Variants in CLCN2 observed in about 807,000 individuals in gnomAD.
CLCN2 encodes the protein chloride channel protein 2.
In CLCN2, 72 loss-of-function variants were observed where a neutral mutation model predicts 108.3. The ratio of observed to expected loss-of-function variants is 0.66; its 90% confidence interval spans 0.55 to 0.81. CLCN2 has a LOEUF of 0.81. Ranked by LOEUF, CLCN2 falls within the 30% of genes least tolerant of loss-of-function variation. CLCN2 has a pLI of 0.00. For missense variants in CLCN2, 1,048 were observed against 1,205.2 expected, an observed-to-expected ratio of 0.87 and a Z score of 1.93; for synonymous variants, 471 against 467.1, an observed-to-expected ratio of 1.01 and a Z score of -0.11.
In CLCN2 at chr3:184,354,577, C is replaced by T. The variant is rs142706042; in HGVS notation, c.1478G>A (p.Arg493Gln). ...DGIHTDSSTY[R>Q]IVPGGYAVVG... ...CACAGCGTAGCCCCCAGGCACAATC[C>T]GGTAGGTGCTGCTGTCCGTATGAAT... Residue 493 changes from arginine to glutamine, a missense_variant, in exon 14 of 24, where the codon CGG becomes CAG. Physicochemically the swap from Arg to Gln is conservative, Grantham distance 43. Transcript: ENST00000265593. 1.3e-5 allele frequency: 21 copies of T among 1,613,042 alleles called. No homozygotes were observed. The highest frequency in any genetic ancestry group is 4.0e-5 in the African/African-American group (3 of 74,810).
At position 184,355,728 on chromosome 3, in the gene CLCN2, A is replaced by G. The variant is rs1365633586; in HGVS notation, c.1136T>C (p.Phe379Ser). The change falls in exon 11 of 24, where the codon TTC becomes TCC. Residue 379 changes from phenylalanine (F) to serine (S), a missense_variant. Transcript: ENST00000265593. The surrounding 1 kb of genome is among the most constrained non-coding windows in gnomAD (Gnocchi z 6.3). ...CATGAACTGTCCAAAGCCAGGGGGG[A>G]AGGTCAGCGTGGAGATGAGCAGGGT... ...LVTLLISTLT[F>S]PPGFGQFMAG... The G allele has an allele frequency of 6.2e-7, 1 of 1,613,900 alleles. No homozygotes were observed. The highest frequency in any genetic ancestry group is 8.5e-7 in the Non-Finnish European group (1 of 1,179,966).
Position 184,355,457 on chromosome 3 carries a change from GCTC to G in CLCN2, c.1240_1242del (p.Glu414del). ...GCCTGTGAGGTGCTGGGTGGTTCTA[GCTC>G]CTCCACCAGGCCCTGGCGGACCCAC... On this transcript the variant is annotated inframe_deletion, in exon 12 of 24. Coordinates refer to ENST00000265593, the MANE Select transcript of CLCN2 (RefSeq NM_004366.6). The surrounding 1 kb of genome is among the most constrained non-coding windows in gnomAD (Gnocchi z 6.3). 5.0e-6 allele frequency: 8 copies of G among 1,614,048 alleles called. No individual in the cohort carries two copies. Among genetic ancestry groups the G allele is most frequent in the Non-Finnish European group, 6.8e-6 (8 of 1,179,982 alleles).
chr3:184,358,552 G>C, intron 3 of CLCN2, 130 bp downstream of exon 3: 1 of 1,291,536 alleles, frequency 7.7e-7, no homozygotes, highest in Non-Finnish European at 1.1e-6. Flanking sequence ...CTGAATCTGG[G>C]CAGTCAGACT....
intron 22 of CLCN2, 29 bp from the exon 23 acceptor site, chr3:184,347,050 C>CTT: frequency 6.3e-7 from 1 of 1,586,528 alleles, no homozygotes; most frequent in Non-Finnish European, 8.7e-7. Flanking sequence ...AGCGATTGGA[C>CTT]TTGATGGACG....
intron 10 of CLCN2, 67 bp downstream of exon 10, chr3:184,356,926 G>C: frequency 9.0e-7 from 1 of 1,117,072 alleles, no homozygotes; most frequent in Non-Finnish European, 1.4e-6. Context: ...CCCCATCACT[G>C]TCCCCTGACC....
chr3:184,348,755 T>G (rs1292056432), intron 22 of CLCN2: 1 of 152,212 alleles, frequency 6.6e-6, no homozygotes. Context: ...TTTCTTTTTC[T>G]CCACAATCCT....
chr3:184,356,580 G>A lies in CLCN2; in HGVS notation c.1085+413C>T, dbSNP rs112270088. Reference sequence around the variant, plus strand: ...CTTGAACCCAGGAGGCGGAGGTTGCGGTGAGCCGAGATCGCACCATTGCAC... The same window carrying A: ...CTTGAACCCAGGAGGCGGAGGTTGCAGTGAGCCGAGATCGCACCATTGCAC... On this transcript the variant is annotated intron_variant, in intron 10 of 23. Coordinates refer to ENST00000265593, the MANE Select transcript of CLCN2 (RefSeq NM_004366.6). 652 of 181,214 alleles carry A rather than the reference G, an allele frequency of 3.6e-3. 2 individuals are homozygous for A. Among genetic ancestry groups the A allele is most frequent in the Non-Finnish European group, 4.4e-3 (376 of 85,052 alleles). The allele number at this position is 181,214 out of a possible 1,614,324, so 11.2% of individuals were successfully genotyped here. A position where few individuals can be genotyped will look rare whatever the true frequency, so the allele number is the denominator to read the frequency against.
At chr3:184,353,981 C>A (rs548975336) in intron 15 of CLCN2, 120 bp downstream of exon 15, 1 of 1,352,268 alleles carries the variant, frequency 7.4e-7, no homozygotes, top group Non-Finnish European at 1.0e-6. Flanking sequence ...AGAGTGTGGA[C>A]GAAGGTGGCT....
At chr3:184,349,851 CGCCACTCT>C (rs1727964637) in intron 22 of CLCN2, among the ~76,000 whole-genome samples, 2 of 152,020 alleles carry the variant, frequency 1.3e-5, no homozygotes, top group Admixed American at 1.3e-4. Flanking sequence ...TAGCTGTGGC[CGCCACTCT>C]GGCCTTTACC....
Position 184,352,766 on chromosome 3 carries a change from C to T in CLCN2, c.2188G>A (p.Gly730Ser), listed in dbSNP as rs1178366438. The change falls in exon 19 of 24, where the codon GGC (glycine) becomes AGC (serine). Residue 730 changes from glycine to serine, a missense_variant. By Grantham distance (56) the Gly-to-Ser change is moderately conservative. Coordinates refer to ENST00000265593, the MANE Select transcript of CLCN2 (RefSeq NM_004366.6). ...AGIALRSLFC[G>S]SPPPEAASEK... Reference sequence around the variant, plus strand: ...GAAGCAGCCTCAGGGGGTGGACTGCCACAGAAGAGGCTCCGGAGGGCGATG... The same window carrying T: ...GAAGCAGCCTCAGGGGGTGGACTGCTACAGAAGAGGCTCCGGAGGGCGATG... The T allele has an allele frequency of 6.2e-7, 1 of 1,613,110 alleles. No homozygotes were observed. Among genetic ancestry groups the T allele is most frequent in the Non-Finnish European group, 8.5e-7 (1 of 1,180,022 alleles).
chr3:184,353,280 G>A lies in CLCN2; in HGVS notation c.1998C>T (p.Pro666=). The A allele has an allele frequency of 1.9e-6, 3 of 1,613,962 alleles. No homozygotes were observed. The highest frequency in any genetic ancestry group is 2.5e-6 in the Non-Finnish European group (3 of 1,180,010). Residue 666 remains proline, a synonymous_variant, in exon 17 of 24, where the codon CCC becomes CCT. Transcript: ENST00000265593. The part of the protein sequence containing the change: ...QTSPLSDQEG[P]PTPEASVCFQ... Reference sequence around the variant, plus strand: ...AGCAGACAGAAGCCTCAGGGGTAGGGGGACCCTCCTGATCAGATAGTGGAG... The same window carrying A: ...AGCAGACAGAAGCCTCAGGGGTAGGAGGACCCTCCTGATCAGATAGTGGAG...
At chr3:184,352,972 G>T (rs1273234166) in intron 18 of CLCN2, 61 bp downstream of exon 18, 6 of 1,552,824 alleles carry the variant, frequency 3.9e-6, no homozygotes, top group Admixed American at 3.3e-5. Context: ...GCTGGGCAGG[G>T]ACTCTAATGG....
At chr3:184,350,474 C>T (rs1216811547) in intron 22 of CLCN2, among the ~76,000 whole-genome samples, 2 of 152,096 alleles carry the variant, frequency 1.3e-5, no homozygotes, top group African/African-American at 4.8e-5. Context: ...TCGCTTTTGT[C>T]ACCCATGCTG....
rs1728292338 is a variant in CLCN2, at chr3:184,353,475, C to CG, written c.1856-54dup. ...GAGCTGAGAGGGAGCCCTCCAGCCC[C>CG]GTCCTTCTCTCACACTCAGAGTGGG... On this transcript the variant is annotated intron_variant, in intron 16 of 23. Coordinates refer to ENST00000265593, the MANE Select transcript of CLCN2 (RefSeq NM_004366.6). 4 of 1,560,580 alleles carry CG rather than the reference C, an allele frequency of 2.6e-6. No individual in the cohort carries two copies. The South Asian group carries it at 3.5e-5, about 14-fold the overall frequency.
chr3:184,357,971 AAGCGGCATCCC>A lies in CLCN2; in HGVS notation c.595_605del (p.Gly199TrpfsTer29), dbSNP rs777377345. On this transcript the variant is annotated frameshift_variant, in exon 5 of 24. Coordinates refer to ENST00000265593, the MANE Select transcript of CLCN2 (RefSeq NM_004366.6). LOFTEE classifies it high-confidence loss of function. ...CCCAGCCTGCAGTTACCTCTTTGCCAAGCGGCATCCCGCTGCCTAGGGCGCAGGTCAGCCCA... is the reference window on the plus strand; with the variant it reads ...CCCAGCCTGCAGTTACCTCTTTGCCAGCTGCCTAGGGCGCAGGTCAGCCCA... 1 of 1,613,880 alleles carries A rather than the reference AAGCGGCATCCC, an allele frequency of 6.2e-7. No homozygotes were observed. Among genetic ancestry groups the A allele is most frequent in the African/African-American group, 1.3e-5 (1 of 74,934 alleles).
At chr3:184,352,649 A>G (rs1728201183) in intron 19 of CLCN2, 88 bp downstream of exon 19, 4 of 1,491,482 alleles carry the variant, frequency 2.7e-6, no homozygotes, top group African/African-American at 1.4e-5. Flanking sequence ...GAATAGAGGC[A>G]GGCACTGCAG....
Position 184,353,283 on chromosome 3 carries a change from A to G in CLCN2, c.1995T>C (p.Gly665=), listed in dbSNP as rs1464960503. The G allele has an allele frequency of 1.2e-6, 2 of 1,613,300 alleles. No homozygotes were observed. Among genetic ancestry groups the G allele is most frequent in the Non-Finnish European group, 1.7e-6 (2 of 1,179,868 alleles). Residue 665 remains glycine, a synonymous_variant, in exon 17 of 24, where the codon GGT becomes GGC. Coordinates refer to ENST00000265593, the MANE Select transcript of CLCN2 (RefSeq NM_004366.6). ...TQTSPLSDQE[G]PPTPEASVCF... ...AGACAGAAGCCTCAGGGGTAGGGGG[A>G]CCCTCCTGATCAGATAGTGGAGAGG... is the stretch of plus-strand genomic sequence containing the variant.
Position 184,355,944 on chromosome 3 carries a change from T to G in CLCN2, c.1086-166A>C. 6.0e-6 allele frequency: 4 copies of G among 667,846 alleles called. No individual in the cohort carries two copies. Among genetic ancestry groups the G allele is most frequent in the East Asian group, 2.8e-5 (1 of 35,754 alleles). 41.4% of individuals were successfully genotyped at this position (667,846 alleles called of 1,614,324 possible). ...GATACGATAGCCCCAAGGCTGATGG[T>G]GGACTGGGGTTATTCTAAGAGCAGG... On this transcript the variant is annotated intron_variant, in intron 10 of 23. Coordinates refer to ENST00000265593, the MANE Select transcript of CLCN2 (RefSeq NM_004366.6). This position sits in a 1 kb window ranked among gnomAD's most constrained non-coding sequence, Gnocchi z 6.3.
chr3:184,360,183 G>A (rs1216839383), intron 1 of CLCN2, among the ~76,000 whole-genome samples: 1 of 152,064 alleles, frequency 6.6e-6, no homozygotes, highest in East Asian at 1.9e-4. Context: ...GTATTAAGAG[G>A]CAAGCACGGT....
Sources: gnomAD v4.1 joint callset for allele counts (sites outside exome capture counted in the v4.1 genomes callset) on GRCh38, gnomAD v4.1.1 for gene constraint, Gnocchi (gnomAD v3.1) non-coding constraint, MANE v1.5 for transcripts, NCBI Gene and HGNC (gene_info 2026-07-23, HGNC 2026-07-21) for gene names.